Variants in SEPTIN6 observed in about 807,000 individuals in gnomAD.
The protein encoded by SEPTIN6 is septin 6, also known as septin-6.
SEPTIN6 carries 8 observed loss-of-function variants against 33.6 expected under a neutral mutation model. The ratio of observed to expected loss-of-function variants is 0.24; its 90% confidence interval spans 0.14 to 0.43. SEPTIN6 has a LOEUF of 0.43. SEPTIN6 is among the 20% of genes least tolerant of loss of function. The pLI is 1.00. For missense variants in SEPTIN6, 250 were observed against 340.8 expected (o/e 0.73, Z 2.10); for synonymous variants, 131 against 140.0 (o/e 0.94, Z 0.45).
At chrX:119,680,085 T>C (rs1363225829) in intron 1 of SEPTIN6, among the ~76,000 whole-genome samples, 1 of 111,255 alleles carries the variant, frequency 9.0e-6, no homozygotes, top group Non-Finnish European at 1.9e-5. Flanking sequence ...ATTTTTTATT[T>C]TGTGGAAGTA....
At chrX:119,639,573 C>T (rs113163038) in intron 6 of SEPTIN6, among the ~76,000 whole-genome samples, 1,233 of 112,072 alleles carry the variant, frequency 0.011, 5 homozygotes, top group Middle Eastern at 0.037. Flanking sequence ...GTCTCCACAA[C>T]TCAGGTTAAA....
chrX:119,685,170 G>A (rs1354903496), intron 1 of SEPTIN6, among the ~76,000 whole-genome samples: 2 of 112,084 alleles, frequency 1.8e-5, no homozygotes, highest in African/African-American at 6.5e-5. Context: ...CCATTAAGTA[G>A]CCGGCTCTTC....
At chrX:119,679,233 TGCC>T (rs1347777193) in intron 1 of SEPTIN6, among the ~76,000 whole-genome samples, 24 of 111,823 alleles carry the variant, frequency 2.1e-4, no homozygotes, top group African/African-American at 7.8e-4. Flanking sequence ...TGAGCCACCA[TGCC>T]TGGCCCAAAA....
At chrX:119,636,986 C>T (rs759748581) in intron 7 of SEPTIN6, 41 bp downstream of exon 7, 3 of 1,184,119 alleles carry the variant, frequency 2.5e-6, no homozygotes, top group African/African-American at 3.5e-5. Context: ...GTGGGCTGAG[C>T]TGAGCTGGGC....
chrX:119,683,437 G>A (rs111297816), intron 1 of SEPTIN6, among the ~76,000 whole-genome samples: 10 of 112,121 alleles, frequency 8.9e-5, no homozygotes, highest in Admixed American at 1.9e-4. Flanking sequence ...ATGAATCATC[G>A]GTTCAGTGAT....
In SEPTIN6 at chrX:119,618,111, C is replaced by T; in HGVS notation, c.*1982G>A. 1 of 802,359 alleles carries T rather than the reference C, an allele frequency of 1.2e-6. No individual in the cohort carries two copies. Among genetic ancestry groups the T allele is most frequent in the Non-Finnish European group, 1.5e-6 (1 of 669,622 alleles). The allele number at this position is 802,359 out of a possible 1,213,427, so 66.1% of individuals were successfully genotyped here. On this transcript the variant is annotated 3_prime_UTR_variant, in exon 11 of 11. Coordinates refer to ENST00000394610, the MANE Select transcript of SEPTIN6 (RefSeq NM_145799.4). Reference sequence around the variant, plus strand: ...AAATATGAAGCCTTTCCCAAGGAGACCTGACAGGCCTAACTCAGCATCTCT... The same window carrying T: ...AAATATGAAGCCTTTCCCAAGGAGATCTGACAGGCCTAACTCAGCATCTCT...
intron 1 of SEPTIN6, among the ~76,000 whole-genome samples, chrX:119,689,720 C>T (rs1348152554): frequency 3.7e-5 from 4 of 109,069 alleles, no homozygotes; most frequent in Non-Finnish European, 5.7e-5. Flanking sequence ...TTGTGATCCA[C>T]CCACCTCGGC....
At chrX:119,657,863 C>T (rs111557551) in intron 3 of SEPTIN6, among the ~76,000 whole-genome samples, 9,124 of 111,688 alleles carry the variant, frequency 0.082, 327 homozygotes, top group South Asian at 0.12. Context: ...CGGTGGCTCA[C>T]GCCTGTAATC....
intron 1 of SEPTIN6, among the ~76,000 whole-genome samples, chrX:119,678,437 G>T (rs748085626): frequency 2.7e-5 from 3 of 109,303 alleles, no homozygotes; most frequent in Non-Finnish European, 5.7e-5. Flanking sequence ...GGAGAATGGC[G>T]TGAACCTGGG....
chrX:119,632,648 G>A (rs759022691), intron 8 of SEPTIN6, among the ~76,000 whole-genome samples: 2 of 110,271 alleles, frequency 1.8e-5, no homozygotes, highest in Admixed American at 9.7e-5. Flanking sequence ...TTGTTTTTGA[G>A]ATGGAGTCTT....
chrX:119,631,392 G>A (rs2053958603), intron 8 of SEPTIN6, among the ~76,000 whole-genome samples: 1 of 108,795 alleles, frequency 9.2e-6, no homozygotes, highest in African/African-American at 3.4e-5. Context: ...GAGTTAGCCA[G>A]GATGGTCTCG....
intron 1 of SEPTIN6, chrX:119,686,553 T>C: frequency 1.1e-6 from 1 of 934,423 alleles, no homozygotes; most frequent in Non-Finnish European, 1.4e-6. Flanking sequence ...ATAACATTAT[T>C]TCTCACCCTC....
At chrX:119,692,913 G>C (rs1392599899) in intron 1 of SEPTIN6, among the ~76,000 whole-genome samples, 163 bp downstream of exon 1, 1 of 112,849 alleles carries the variant, frequency 8.9e-6, no homozygotes, top group Non-Finnish European at 1.9e-5. Flanking sequence ...TCCGGGACAG[G>C]CTGAGGGACT....
intron 5 of SEPTIN6, among the ~76,000 whole-genome samples, chrX:119,648,057 C>A (rs1312795718): frequency 9.2e-6 from 1 of 108,593 alleles, no homozygotes; most frequent in Non-Finnish European, 1.9e-5. Context: ...TAATAAAGGA[C>A]CCAGAATCCC....
At chrX:119,676,642 G>A (rs1603350094) in intron 1 of SEPTIN6, among the ~76,000 whole-genome samples, 3 of 111,357 alleles carry the variant, frequency 2.7e-5, no homozygotes, top group African/African-American at 9.8e-5. Context: ...GGTGGCATGT[G>A]CCTGTGTAGT....
At chrX:119,635,925 G>A (rs867704651) in intron 7 of SEPTIN6, among the ~76,000 whole-genome samples, 10 of 111,630 alleles carry the variant, frequency 9.0e-5, no homozygotes, top group Middle Eastern at 9.2e-3. Context: ...TGAAGAAGGC[G>A]AAGACACAGG....
In SEPTIN6 at chrX:119,617,985, C is replaced by G. The variant is rs1162130238; in HGVS notation, c.*2108G>C. ...CTCCGGTTTGTAATGCAAATAATTACCGGGCGGCGGTGTGGGGAAGTGGTG... is the reference window on the plus strand; with the variant it reads ...CTCCGGTTTGTAATGCAAATAATTAGCGGGCGGCGGTGTGGGGAAGTGGTG... On this transcript the variant is annotated 3_prime_UTR_variant, in exon 11 of 11. Coordinates refer to ENST00000394610, the MANE Select transcript of SEPTIN6 (RefSeq NM_145799.4). 1.2e-6 allele frequency: 1 copy of G among 801,857 alleles called. No individual in the cohort carries two copies. The highest frequency in any genetic ancestry group is 7.9e-5 in the Admixed American group (1 of 12,724). 66.1% of individuals were successfully genotyped at this position (801,857 alleles called of 1,213,427 possible).
At position 119,636,989 on chromosome X, in the gene SEPTIN6, A is replaced by AGCTGG. The variant is rs750144306; in HGVS notation, c.956+33_956+37dup. On this transcript the variant is annotated intron_variant, in intron 7 of 10. Transcript: ENST00000394610. ...CACACCACCTGAGTGGGCTGAGCTG[A>AGCTGG]GCTGGGCTGGGCTGGGCTGGGCTGG... is the stretch of plus-strand genomic sequence containing the variant. 6.7e-5 allele frequency: 80 copies of AGCTGG among 1,188,477 alleles called. No homozygotes were observed. In the Admixed American group the frequency reaches 1.2e-3, roughly 18 times the overall value.
chrX:119,632,465 G>C (rs751691240), intron 8 of SEPTIN6, among the ~76,000 whole-genome samples: 3 of 109,901 alleles, frequency 2.7e-5, no homozygotes, highest in Non-Finnish European at 5.7e-5. Flanking sequence ...CAAAGTGCTG[G>C]GATTACAGGC....
Sources: allele counts gnomAD v4.1 joint callset (sites outside exome capture counted in the v4.1 genomes callset), GRCh38; gene constraint gnomAD v4.1.1; transcripts MANE v1.5; gene names NCBI Gene and HGNC (gene_info 2026-07-23, HGNC 2026-07-21).